The following VPS29 variants were observed in gnomAD, a reference collection of about 807,000 sequenced individuals.
VPS29 encodes the protein vacuolar protein sorting-associated protein 29.
VPS29 carries 2 observed loss-of-function variants against 20.0 expected under a neutral mutation model. The observed-to-expected ratio is 0.10, with a 90% CI of 0.04 to 0.31. VPS29 has a LOEUF of 0.31. Ranked by LOEUF, VPS29 falls within the 10% of genes least tolerant of loss-of-function variation. The pLI is 1.00. For synonymous variants in VPS29, 81 were observed against 79.3 expected, an observed-to-expected ratio of 1.02 and a Z score of -0.12; for missense variants, 120 against 215.3, an observed-to-expected ratio of 0.56 and a Z score of 2.77.
chr12:110,492,274 A>C, intron 3 of VPS29, 152 bp from the exon 4 acceptor site: 1 of 668,456 alleles, frequency 1.5e-6, no homozygotes, highest in South Asian at 1.9e-5. Context: ...AGATTTATTT[A>C]AATGGTCACA....
chr12:110,494,149 G>C (rs1005888607), intron 2 of VPS29, among the ~76,000 whole-genome samples: 4 of 151,724 alleles, frequency 2.6e-5, no homozygotes, highest in African/African-American at 7.3e-5. Context: ...ACAATAAAAA[G>C]ACAGTATGCC....
At chr12:110,501,194 A>C (rs2063027799) in intron 1 of VPS29, among the ~76,000 whole-genome samples, 1 of 152,036 alleles carries the variant, frequency 6.6e-6, no homozygotes, top group African/African-American at 2.4e-5. Context: ...AAAGAAAGAA[A>C]ATATGATTAC....
At chr12:110,498,263 C>T (rs144959335) in intron 1 of VPS29, among the ~76,000 whole-genome samples, 3 of 152,128 alleles carry the variant, frequency 2.0e-5, no homozygotes, top group Non-Finnish European at 4.4e-5. Flanking sequence ...TGAGCCACTG[C>T]GCCCAGCCCA....
At chr12:110,492,947 G>A in intron 3 of VPS29, 49 bp downstream of exon 3, 1 of 1,490,310 alleles carries the variant, frequency 6.7e-7, no homozygotes, top group Non-Finnish European at 9.2e-7. Context: ...TGTCACACAT[G>A]CAATTATTTT....
chr12:110,492,101 C>A lies in VPS29; in HGVS notation c.453G>T (p.Val151=), dbSNP rs1293663349. ...CTGTAGAAGCCTGGATATCCATCAA[C>A]ACAAATGATGGAATAATGTTTCTAG... ...ALETNIIPSF[V]LMDIQASTVV... is the part of the protein sequence containing the mutation. Residue 151 remains valine, a synonymous_variant, in exon 4 of 4, where the codon GTG becomes GTT. Transcript: ENST00000549578. The A allele has an allele frequency of 3.1e-6, 5 of 1,611,046 alleles. No homozygotes were observed. The East Asian group carries it at 1.1e-4, about 36-fold the overall frequency.
intron 3 of VPS29, among the ~76,000 whole-genome samples, chr12:110,492,599 T>TTTTA (rs58647450): frequency 0.11 from 14,256 of 132,186 alleles, 1,152 homozygotes; most frequent in African/African-American, 0.22. Flanking sequence ...TTTATTTTTA[T>TTTTA]TTTATTTATT....
At chr12:110,501,288 G>A in intron 1 of VPS29, 2 of 1,230,148 alleles carry the variant, frequency 1.6e-6, no homozygotes, top group Non-Finnish European at 2.3e-6. Flanking sequence ...GTGAAGGGGT[G>A]ATTGCTTGAA....
At chr12:110,497,342 G>A (rs540634154) in intron 1 of VPS29, among the ~76,000 whole-genome samples, 51 of 147,812 alleles carry the variant, frequency 3.5e-4, no homozygotes, top group Middle Eastern at 3.6e-3. Flanking sequence ...TCAGCTTCCC[G>A]AGTAGCTGGG....
At chr12:110,492,430 C>T (rs767762842) in intron 3 of VPS29, among the ~76,000 whole-genome samples, 14 of 151,842 alleles carry the variant, frequency 9.2e-5, no homozygotes, top group South Asian at 2.1e-4. Flanking sequence ...ATTAGCCAGG[C>T]GTGGTGGCGG....
rs761242555 is a variant in VPS29 at position 110,499,586 on chromosome 12, G to GA, written c.3+2462dup. ...GAAGTTGATTGCAGACAGGGGGGATGAAAAAAAAAGGGTGAAACATGACCA... is the reference window on the plus strand; with the variant it reads ...GAAGTTGATTGCAGACAGGGGGGATGAAAAAAAAAAGGGTGAAACATGACCA... On this transcript the variant is annotated intron_variant, in intron 1 of 3. Transcript: ENST00000549578. The GA allele has an allele frequency of 1.5e-3, 1,997 of 1,346,484 alleles. 8 individuals are homozygous for GA. The highest frequency in any genetic ancestry group is 9.1e-4 in the Non-Finnish European group (892 of 982,770). The allele number at this position is 1,346,484 out of a possible 1,614,324, so 83.4% of individuals were successfully genotyped here. A position where few individuals can be genotyped will look rare whatever the true frequency, so the allele number is the denominator to read the frequency against.
intron 1 of VPS29, among the ~76,000 whole-genome samples, chr12:110,498,551 AATTAAAATT>A (rs2062944929): frequency 6.6e-6 from 1 of 152,226 alleles, no homozygotes. Context: ...TTGCAACAAA[AATTAAAATT>A]ATTGCAAAGA....
At chr12:110,501,513 A>G in intron 1 of VPS29, 1 of 1,535,466 alleles carries the variant, frequency 6.5e-7, no homozygotes, top group Non-Finnish European at 8.7e-7. Flanking sequence ...TCTCAATGGC[A>G]GCTAGATGTT....
chr12:110,500,828 G>C (rs952229217), intron 1 of VPS29, among the ~76,000 whole-genome samples: 1 of 151,938 alleles, frequency 6.6e-6, no homozygotes, highest in African/African-American at 2.4e-5. Flanking sequence ...GGGTGGAAGG[G>C]GACCCGAGTG....
intron 2 of VPS29, among the ~76,000 whole-genome samples, chr12:110,494,505 C>T (rs56298262): frequency 0.14 from 20,601 of 151,516 alleles, 2,016 homozygotes; most frequent in African/African-American, 0.28. Flanking sequence ...CCACCTGCCT[C>T]GGCCTCCCAA....
At chr12:110,492,803 T>C in intron 3 of VPS29, 193 bp downstream of exon 3, 1 of 499,486 alleles carries the variant, frequency 2.0e-6, no homozygotes, top group East Asian at 3.6e-5. Flanking sequence ...TAAAATTTTT[T>C]TGTAGAGACA....
At chr12:110,501,624 C>T (rs1017926633) in intron 1 of VPS29, 3 of 1,533,976 alleles carry the variant, frequency 2.0e-6, no homozygotes, top group East Asian at 2.4e-5. Flanking sequence ...ATTCGAGAGG[C>T]CAGCTTCCAC....
intron 2 of VPS29, among the ~76,000 whole-genome samples, chr12:110,493,813 T>TA (rs1313836587): frequency 1.3e-5 from 2 of 152,216 alleles, no homozygotes; most frequent in Non-Finnish European, 2.9e-5. Context: ...ATGCTGTAAA[T>TA]AATTATTCCC....
chr12:110,493,805 G>A (rs2062856312), intron 2 of VPS29, among the ~76,000 whole-genome samples: 1 of 152,094 alleles, frequency 6.6e-6, no homozygotes, highest in Non-Finnish European at 1.5e-5. Context: ...TTTTGCGCAT[G>A]CTGTAAATAA....
chr12:110,496,341 CTATT>C (rs1166404862), intron 1 of VPS29, 138 bp from the exon 2 acceptor site: 23 of 712,672 alleles, frequency 3.2e-5, no homozygotes, highest in Non-Finnish European at 4.3e-5. Context: ...CCTATCATGA[CTATT>C]TATTTAATCT....
Sources: gnomAD v4.1 joint callset for allele counts (sites outside exome capture counted in the v4.1 genomes callset) on GRCh38, gnomAD v4.1.1 for gene constraint, MANE v1.5 for transcripts, NCBI Gene and HGNC (gene_info 2026-07-23, HGNC 2026-07-21) for gene names.